Variants in ARHGEF3 observed in about 807,000 individuals in gnomAD.
ARHGEF3 encodes Rho guanine nucleotide exchange factor 3.
ARHGEF3 carries 28 observed loss-of-function variants against 63.2 expected under a neutral mutation model. The ratio of observed to expected loss-of-function variants is 0.44; its 90% CI spans 0.33 to 0.61. The LOEUF (loss-of-function observed/expected upper bound fraction) is 0.61, where lower values mean the gene tolerates loss of function less well. ARHGEF3 is among the 20% of genes least tolerant of loss of function. ARHGEF3 has a pLI of 0.03. For synonymous variants in ARHGEF3, 266 were observed against 254.2 expected (o/e 1.05, Z -0.44); for missense variants, 533 against 659.3 (o/e 0.81, Z 2.10).
chr3:56,826,378 T>C (rs935216972), intron 4 of ARHGEF3, among the ~76,000 whole-genome samples: 2 of 152,144 alleles, frequency 1.3e-5, no homozygotes, highest in African/African-American at 2.4e-5. Flanking sequence ...CATAAATGAG[T>C]AGCTGCCTTC....
chr3:57,016,303 G>T (rs747327756), intron 2 of ARHGEF3, among the ~76,000 whole-genome samples: 12 of 151,870 alleles, frequency 7.9e-5, no homozygotes, highest in Non-Finnish European at 1.5e-4. Context: ...CAGCACTTTG[G>T]GAGGCCTCGG....
At chr3:56,846,722 C>T (rs148751573) in intron 4 of ARHGEF3, among the ~76,000 whole-genome samples, 1 of 152,100 alleles carries the variant, frequency 6.6e-6, no homozygotes, top group African/African-American at 2.4e-5. Flanking sequence ...ATAATTACCC[C>T]TCCTCAGACC....
At chr3:56,805,354 C>T (rs2037824164), upstream of ARHGEF3, among the ~76,000 whole-genome samples, 3 of 152,158 alleles carry the variant, frequency 2.0e-5, no homozygotes, top group African/African-American at 7.2e-5. Context: ...CCCGCCTCAG[C>T]CCCTCAAGTA....
intron 1 of ARHGEF3, among the ~76,000 whole-genome samples, chr3:57,068,587 T>C (rs75872475): frequency 0.026 from 3,995 of 152,210 alleles, 169 homozygotes; most frequent in African/African-American, 0.09. Context: ...ACCATTTGAG[T>C]TTGCAAGACT....
At chr3:56,842,738 G>T (rs1313260129) in intron 4 of ARHGEF3, among the ~76,000 whole-genome samples, 3 of 152,122 alleles carry the variant, frequency 2.0e-5, no homozygotes, top group African/African-American at 7.2e-5. Flanking sequence ...GGCTCATCAC[G>T]GAACTCTCCC....
intron 1 of ARHGEF3, among the ~76,000 whole-genome samples, chr3:57,056,437 T>C (rs1048036670): frequency 1.4e-5 from 2 of 145,322 alleles, no homozygotes; most frequent in African/African-American, 2.6e-5. Context: ...AAAGTGATCA[T>C]GGGGAGCCTC....
intron 3 of ARHGEF3, 92 bp from the exon 4 acceptor site, chr3:56,753,658 A>C: frequency 9.4e-7 from 1 of 1,061,192 alleles, no homozygotes; most frequent in Non-Finnish European, 1.4e-6. Flanking sequence ...AAAACCCCAA[A>C]TTTACATATT....
At chr3:56,913,470 T>G (rs1417868871) in intron 3 of ARHGEF3, among the ~76,000 whole-genome samples, 1 of 152,144 alleles carries the variant, frequency 6.6e-6, no homozygotes, top group Non-Finnish European at 1.5e-5. Context: ...ACTTCACACC[T>G]ATTAGAATGG....
chr3:56,748,775 C>T (rs951604478), intron 6 of ARHGEF3, among the ~76,000 whole-genome samples: 1 of 152,066 alleles, frequency 6.6e-6, no homozygotes, highest in African/African-American at 2.4e-5. Flanking sequence ...GACACTGATT[C>T]TCAGTAACCG....
chr3:56,851,381 C>T (rs1205240332), intron 4 of ARHGEF3, among the ~76,000 whole-genome samples: 1 of 152,146 alleles, frequency 6.6e-6, no homozygotes, highest in African/African-American at 2.4e-5. Context: ...TCCTTCAATA[C>T]TATTGTCTTA....
chr3:56,886,599 C>A (rs1315366778), intron 3 of ARHGEF3, among the ~76,000 whole-genome samples: 1 of 152,190 alleles, frequency 6.6e-6, no homozygotes, highest in African/African-American at 2.4e-5. Context: ...GAGAGTGCAA[C>A]AGGACACGGC....
At chr3:56,903,803 T>A (rs771223875) in intron 3 of ARHGEF3, among the ~76,000 whole-genome samples, 1 of 152,174 alleles carries the variant, frequency 6.6e-6, no homozygotes, top group African/African-American at 2.4e-5. Flanking sequence ...CAAAAATTAG[T>A]GAGGGTCCCA....
At chr3:56,880,463 T>C (rs1002499543) in intron 4 of ARHGEF3, among the ~76,000 whole-genome samples, 1 of 75,768 alleles carries the variant, frequency 1.3e-5, no homozygotes, top group Admixed American at 1.8e-4. Context: ...TAATACAATG[T>C]TAGTGGTTCT....
intron 7 of ARHGEF3, among the ~76,000 whole-genome samples, chr3:56,739,901 ATTTTT>A (rs11391206): frequency 0.012 from 1,654 of 142,248 alleles, 31 homozygotes; most frequent in African/African-American, 0.04. Context: ...AGTTTCAAAG[ATTTTT>A]TTTTTTTTTT....
intron 1 of ARHGEF3, among the ~76,000 whole-genome samples, chr3:56,779,689 A>G (rs1048305898): frequency 1.3e-5 from 2 of 152,188 alleles, no homozygotes; most frequent in Non-Finnish European, 2.9e-5. Context: ...GGCACTTGAC[A>G]GCTTGCTTTG....
rs773417858 is a variant in ARHGEF3, at chr3:56,729,354, C to A, written c.1497G>T (p.Thr499=). 4 of 1,614,010 alleles carry A rather than the reference C, an allele frequency of 2.5e-6. No individual in the cohort carries two copies. Among genetic ancestry groups the A allele is most frequent in the Non-Finnish European group, 3.4e-6 (4 of 1,180,030 alleles). Residue 499 remains threonine, a synonymous_variant, in exon 10 of 10, where the codon ACG becomes ACT. Transcript: ENST00000296315. ...GCTCACAGTCGAGGCTGACCTCACT[C>A]GTGTCCATACTACAGTCTGACTCAC... ...SDSESDCSMD[T]SEVSLDCERM... is the part of the protein sequence containing the mutation.
intron 4 of ARHGEF3, among the ~76,000 whole-genome samples, chr3:56,838,047 T>C (rs1485912250): frequency 6.6e-6 from 1 of 152,198 alleles, no homozygotes; most frequent in African/African-American, 2.4e-5. Flanking sequence ...AGAATGTTTA[T>C]CACAGGAAAA....
intron 3 of ARHGEF3, among the ~76,000 whole-genome samples, chr3:56,885,116 C>T (rs563135599): frequency 7.2e-5 from 11 of 152,266 alleles, no homozygotes; most frequent in Admixed American, 5.2e-4. Flanking sequence ...ATGCTGTGAT[C>T]ACAATCAGCA....
intron 3 of ARHGEF3, among the ~76,000 whole-genome samples, chr3:56,937,174 A>C (rs1226966588): frequency 6.6e-6 from 1 of 152,262 alleles, no homozygotes; most frequent in Non-Finnish European, 1.5e-5. Flanking sequence ...GATGCAGTGC[A>C]TGATCCTTGA....
Sources: allele counts gnomAD v4.1 joint callset (sites outside exome capture counted in the v4.1 genomes callset), GRCh38; gene constraint gnomAD v4.1.1; transcripts MANE v1.5; gene names NCBI Gene and HGNC (gene_info 2026-07-23, HGNC 2026-07-21).